LRMDA: variants seen among roughly 807,000 people sequenced by gnomAD.
LRMDA encodes the protein leucine-rich melanocyte differentiation-associated protein.
Under a neutral mutation model 29.8 loss-of-function variants are expected in LRMDA, and 18 were observed. That is an observed-to-expected ratio of 0.60 (90% confidence interval 0.42 to 0.90). The LOEUF is 0.90. LRMDA is among the 40% of genes least tolerant of loss of function. The probability of loss-of-function intolerance (pLI) is 0.00; values close to 1 mark genes in which losing one functional copy is unlikely to be tolerated. For missense variants in LRMDA, 273 were observed against 273.9 expected (o/e 1.00, Z 0.02); for synonymous variants, 125 against 109.4 (o/e 1.14, Z -0.89).
chr10:76,492,481 A>T (rs1363201990), intron 6 of LRMDA, among the ~76,000 whole-genome samples: 2 of 152,192 alleles, frequency 1.3e-5, no homozygotes, highest in East Asian at 3.9e-4. Context: ...TAAGAGCTGG[A>T]AGAATTTTCT....
intron 2 of LRMDA, among the ~76,000 whole-genome samples, chr10:75,835,108 A>C (rs1268617360): frequency 2.6e-5 from 4 of 152,220 alleles, no homozygotes; most frequent in African/African-American, 9.6e-5. Flanking sequence ...AGTAGCCTAC[A>C]AGTAATACAC....
chr10:75,923,524 A>G lies in LRMDA; in HGVS notation c.132-112484A>G, dbSNP rs566336649. 7.9e-5 allele frequency among the ~76,000 whole-genome samples: 12 copies of G among 152,246 alleles called. No homozygotes were observed. In the South Asian group the frequency reaches 1.5e-3, roughly 18 times the overall value. On this transcript the variant is annotated intron_variant, in intron 2 of 6. Transcript: ENST00000611255. ...GACGTTATTGGTTCCAGTCTCATAA[A>G]TCTCAGTCTCCGATCCTTCCCGTGA... is the stretch of plus-strand genomic sequence containing the variant.
intron 2 of LRMDA, among the ~76,000 whole-genome samples, chr10:75,825,249 C>T (rs1844229195): frequency 2.8e-5 from 3 of 107,546 alleles, no homozygotes; most frequent in Admixed American, 1.1e-4. Flanking sequence ...AAAATAAATA[C>T]ATTTTCTAAG....
chr10:76,557,102 C>G lies in LRMDA; in HGVS notation c.602-107C>G, dbSNP rs1346002864. 3.5e-6 allele frequency: 3 copies of G among 848,664 alleles called. No individual in the cohort carries two copies. The African/African-American group carries it at 5.0e-5, about 14-fold the overall frequency. 52.6% of individuals were successfully genotyped at this position (848,664 alleles called of 1,614,324 possible). A position where few individuals can be genotyped will look rare whatever the true frequency, so the allele number is the denominator to read the frequency against. On this transcript the variant is annotated intron_variant, in intron 6 of 6. Transcript: ENST00000611255. ...CTTCTGGAGCTTCATCCACTTTCTG[C>G]TGCCCATTGGATCTATGATTATCTT...
intron 5 of LRMDA, among the ~76,000 whole-genome samples, chr10:76,215,928 G>A (rs1404539077): frequency 6.6e-6 from 1 of 152,158 alleles, no homozygotes; most frequent in Non-Finnish European, 1.5e-5. Flanking sequence ...AATATGACTT[G>A]CATAAATTTA....
chr10:75,781,051 T>C (rs1265037706), intron 2 of LRMDA, among the ~76,000 whole-genome samples: 5 of 152,240 alleles, frequency 3.3e-5, no homozygotes, highest in Admixed American at 3.3e-4. Flanking sequence ...TTCTCCGAAG[T>C]GACCCACTCT....
intron 6 of LRMDA, among the ~76,000 whole-genome samples, chr10:76,345,692 G>A (rs1400029350): frequency 6.6e-6 from 1 of 151,892 alleles, no homozygotes; most frequent in Non-Finnish European, 1.5e-5. Context: ...CCTTACACGT[G>A]CATTTACTTT....
intron 2 of LRMDA, among the ~76,000 whole-genome samples, chr10:75,793,397 A>T (rs1408525798): frequency 6.6e-6 from 1 of 152,148 alleles, no homozygotes; most frequent in Non-Finnish European, 1.5e-5. Flanking sequence ...AACTTTTGGA[A>T]TTTTTATGAT....
At chr10:76,463,348 CA>C (rs946552719) in intron 6 of LRMDA, among the ~76,000 whole-genome samples, 42 of 152,122 alleles carry the variant, frequency 2.8e-4, no homozygotes, top group African/African-American at 8.9e-4. Flanking sequence ...GACAATAAAT[CA>C]AAAGGAAAAG....
intron 2 of LRMDA, among the ~76,000 whole-genome samples, chr10:75,947,860 C>T (rs916758559): frequency 4.1e-4 from 62 of 152,124 alleles, no homozygotes; most frequent in African/African-American, 1.4e-3. Context: ...CCTGTCTCTT[C>T]TGAATCTTAG....
intron 6 of LRMDA, among the ~76,000 whole-genome samples, chr10:76,328,919 G>A (rs999233872): frequency 6.6e-6 from 1 of 152,200 alleles, no homozygotes; most frequent in African/African-American, 2.4e-5. Context: ...AATTAGAGGT[G>A]CTGCCACCAC....
At chr10:75,653,755 A>G (rs1309349888) in intron 2 of LRMDA, among the ~76,000 whole-genome samples, 2 of 152,206 alleles carry the variant, frequency 1.3e-5, no homozygotes, top group Non-Finnish European at 2.9e-5. Flanking sequence ...AACTCTAAGT[A>G]TGATCTTATA....
chr10:75,745,402 C>G (rs560696839), intron 2 of LRMDA, among the ~76,000 whole-genome samples: 4 of 152,252 alleles, frequency 2.6e-5, no homozygotes, highest in African/African-American at 9.6e-5. Context: ...AGTCCTCATG[C>G]TGTACTTTAG....
At chr10:75,827,468 G>A (rs893822498) in intron 2 of LRMDA, among the ~76,000 whole-genome samples, 2 of 152,116 alleles carry the variant, frequency 1.3e-5, no homozygotes, top group African/African-American at 4.8e-5. Context: ...TTTTTATACA[G>A]GATTCAAAGT....
chr10:75,601,760 C>T (rs1199251781), intron 2 of LRMDA, among the ~76,000 whole-genome samples: 4 of 151,872 alleles, frequency 2.6e-5, no homozygotes, highest in Non-Finnish European at 2.9e-5. Flanking sequence ...GTGTATTATC[C>T]CAATTATCTC....
chr10:75,708,113 G>A (rs969513366), intron 2 of LRMDA, among the ~76,000 whole-genome samples: 5 of 152,096 alleles, frequency 3.3e-5, no homozygotes, highest in African/African-American at 7.2e-5. Flanking sequence ...GCAAAGGGCC[G>A]CTCTGACAGG....
rs565822121 is a variant in LRMDA at position 76,345,680 on chromosome 10, A to C, written c.601+21195A>C. Among the ~76,000 whole-genome samples the C allele has an allele frequency of 1.9e-3, 294 of 152,140 alleles. 2 individuals carry two copies. Among genetic ancestry groups the C allele is most frequent in the African/African-American group, 6.4e-3 (264 of 41,550 alleles). Reference sequence around the variant, plus strand: ...AAAGAGTATGGTGGGGAAAAGACTTAACCTTACACGTGCATTTACTTTAAA... The same window carrying C: ...AAAGAGTATGGTGGGGAAAAGACTTCACCTTACACGTGCATTTACTTTAAA... On this transcript the variant is annotated intron_variant, in intron 6 of 6. Transcript: ENST00000611255.
chr10:76,509,837 T>C (rs958823653), intron 6 of LRMDA, among the ~76,000 whole-genome samples: 3 of 152,040 alleles, frequency 2.0e-5, no homozygotes, highest in Admixed American at 1.3e-4. Context: ...AGTGAAAATA[T>C]GTGTGTATTG....
At chr10:76,349,694 G>A (rs1008547040) in intron 6 of LRMDA, among the ~76,000 whole-genome samples, 3 of 152,012 alleles carry the variant, frequency 2.0e-5, no homozygotes, top group Non-Finnish European at 4.4e-5. Flanking sequence ...AAAATCTGGT[G>A]ATACCAAGTG....
Sources: gnomAD v4.1 joint callset for allele counts (sites outside exome capture counted in the v4.1 genomes callset) on GRCh38, gnomAD v4.1.1 for gene constraint, MANE v1.5 for transcripts, NCBI Gene and HGNC (gene_info 2026-07-23, HGNC 2026-07-21) for gene names.